PDP1: variants seen among roughly 807,000 people sequenced by gnomAD.
The protein encoded by PDP1 is pyruvate dehyrogenase phosphatase catalytic subunit 1.
A neutral mutation model predicts 37.1 loss-of-function variants in PDP1; 14 were observed. The observed-to-expected ratio is 0.38, with a 90% CI of 0.25 to 0.59. PDP1 has a LOEUF of 0.59. Among genes scored for constraint, PDP1 ranks in the 20% least tolerant of loss-of-function variants. The probability of loss-of-function intolerance (pLI) is 0.67; values close to 1 mark genes in which losing one functional copy is unlikely to be tolerated. For missense variants in PDP1, 544 were observed against 655.3 expected, an observed-to-expected ratio of 0.83 and a Z score of 1.85; for synonymous variants, 251 against 243.3, an observed-to-expected ratio of 1.03 and a Z score of -0.29.
rs1810389289 is a variant in PDP1, at chr8:93,924,821, G to A, written c.*1148G>A. The A allele has an allele frequency of 6.0e-6, 1 of 167,044 alleles. No homozygotes were observed. The highest frequency in any genetic ancestry group is 6.5e-5 in the Admixed American group (1 of 15,290). 10.3% of individuals were successfully genotyped at this position (167,044 alleles called of 1,614,324 possible). The stretch of plus-strand genomic sequence containing the variant: ...GATATATACATGAGAAACTTTAAAA[G>A]GTAACTACTGTGCATGCCTGATGCT... On this transcript the variant is annotated 3_prime_UTR_variant, in exon 2 of 2. Transcript: ENST00000297598.
At chr8:93,921,876 T>G in intron 1 of PDP1, 140 bp from the exon 2 acceptor site, 1 of 607,042 alleles carries the variant, frequency 1.6e-6, no homozygotes, top group South Asian at 2.2e-5. Context: ...ACATGATGTG[T>G]GTATAAAATG....
In PDP1 at chr8:93,923,016, AAG is replaced by A; in HGVS notation, c.961_962del (p.Glu321ThrfsTer12). The A allele has an allele frequency of 7.4e-6, 12 of 1,614,174 alleles. No homozygotes were observed. Among genetic ancestry groups the A allele is most frequent in the Non-Finnish European group, 1.0e-5 (12 of 1,180,034 alleles). On this transcript the variant is annotated frameshift_variant, in exon 2 of 2. Coordinates refer to ENST00000297598, the MANE Select transcript of PDP1 (RefSeq NM_018444.4). LOFTEE classifies it high-confidence loss of function. The surrounding 1 kb of genome is among the most constrained non-coding windows in gnomAD (Gnocchi z 4.3). ...CTAATGACCACAATGCTCAAAATGAAAGAGAACTAGAACGGCTGAAATTGGAA... is the reference window on the plus strand; with the variant it reads ...CTAATGACCACAATGCTCAAAATGAAAGAACTAGAACGGCTGAAATTGGAA... ...LSNDHNAQNE[R>X]ELERLKLEHP...
rs993085903 is a variant in PDP1, at chr8:93,923,018, G to C, written c.959G>C (p.Arg320Thr). 3.1e-6 allele frequency: 5 copies of C among 1,614,052 alleles called. No individual in the cohort carries two copies. The highest frequency in any genetic ancestry group is 4.2e-6 in the Non-Finnish European group (5 of 1,180,028). ...LSNDHNAQNERELERLKLEHP... is the reference protein window; with the variant it reads ...LSNDHNAQNETELERLKLEHP... ...AATGACCACAATGCTCAAAATGAAA[G>C]AGAACTAGAACGGCTGAAATTGGAA... Residue 320 changes from arginine (R) to threonine (T), a missense_variant, in exon 2 of 2, where the codon AGA becomes ACA. Arg to Thr is a moderately conservative substitution (Grantham distance 71, BLOSUM62 -1). Coordinates refer to ENST00000297598, the MANE Select transcript of PDP1 (RefSeq NM_018444.4). This position sits in a 1 kb window ranked among gnomAD's most constrained non-coding sequence, Gnocchi z 4.3.
At chr8:93,919,062 A>G in intron 1 of PDP1, 4 of 574,840 alleles carry the variant, frequency 7.0e-6, no homozygotes, top group Non-Finnish European at 8.8e-6. Flanking sequence ...AGTCAATAAA[A>G]TTCACTCTCT....
In PDP1 at chr8:93,923,400, T is replaced by G. The variant is rs770046269; in HGVS notation, c.1341T>G (p.Ala447=). The G allele has an allele frequency of 9.3e-6, 15 of 1,608,192 alleles. No individual in the cohort carries two copies. The highest frequency in any genetic ancestry group is 1.2e-5 in the Non-Finnish European group (14 of 1,176,230). Residue 447 remains alanine (A), a synonymous_variant, in exon 2 of 2, where the codon GCT becomes GCG. Coordinates refer to ENST00000297598, the MANE Select transcript of PDP1 (RefSeq NM_018444.4). The surrounding 1 kb of genome is among the most constrained non-coding windows in gnomAD (Gnocchi z 4.3). ...GCATGCATCACCAACAGCCAATAGCTGTTGGTGGCTACAAGGTGACTCTGG... is the reference window on the plus strand; with the variant it reads ...GCATGCATCACCAACAGCCAATAGCGGTTGGTGGCTACAAGGTGACTCTGG... ...LTGMHHQQPI[A]VGGYKVTLGQ...
At position 93,917,001 on chromosome 8, in the gene PDP1, G is replaced by A. The variant is rs1280759422; in HGVS notation, c.-123G>A. The A allele has an allele frequency of 6.3e-6, 3 of 477,952 alleles. No individual in the cohort carries two copies. The highest frequency in any genetic ancestry group is 3.0e-5 in the South Asian group (2 of 66,788). 29.6% of individuals were successfully genotyped at this position (477,952 alleles called of 1,614,324 possible). ...CGCTCCGGGAGCTGCACGGGGCTGC[G>A]TGGAAAGAGCGCCGAGCGGTGGCGT... is the stretch of plus-strand genomic sequence containing the variant. On this transcript the variant is annotated 5_prime_UTR_variant, in exon 1 of 2. The change creates a new upstream start codon in the 5' untranslated region. Transcript: ENST00000297598.
chr8:93,918,452 G>T (rs1280452544), intron 1 of PDP1, among the ~76,000 whole-genome samples: 1 of 152,130 alleles, frequency 6.6e-6, no homozygotes, highest in South Asian at 2.1e-4. Flanking sequence ...AAATGTCTTG[G>T]CACAGGCTCT....
At position 93,922,569 on chromosome 8, in the gene PDP1, T is replaced by C; in HGVS notation, c.510T>C (p.His170=). 6.2e-7 allele frequency: 1 copy of C among 1,614,034 alleles called. No homozygotes were observed. The highest frequency in any genetic ancestry group is 8.5e-7 in the Non-Finnish European group (1 of 1,179,996). ...ATATTGCTGTCTCTTTGTTACCCCA[T>C]GAGACTTTGCTAGAGATTGAAAATG... ...FYYIAVSLLP[H]ETLLEIENAV... is the part of the protein sequence containing the mutation. Residue 170 remains histidine (H), a synonymous_variant, in exon 2 of 2, where the codon CAT becomes CAC. Transcript: ENST00000297598. The surrounding 1 kb of genome is among the most constrained non-coding windows in gnomAD (Gnocchi z 4.0).
chr8:93,923,381 A>G lies in PDP1; in HGVS notation c.1322A>G (p.His441Arg), dbSNP rs779506684. The G allele has an allele frequency of 6.2e-7, 1 of 1,611,996 alleles. No homozygotes were observed. The highest frequency in any genetic ancestry group is 1.1e-5 in the South Asian group (1 of 90,936). Residue 441 changes from histidine (H) to arginine (R), a missense_variant, in exon 2 of 2, where the codon CAT (histidine) becomes CGT (arginine). Transcript: ENST00000297598. This position sits in a 1 kb window ranked among gnomAD's most constrained non-coding sequence, Gnocchi z 4.3. ...GTGGGTGAGTACCTAACTGGCATGC[A>G]TCACCAACAGCCAATAGCTGTTGGT... ...RIVGEYLTGM[H>R]HQQPIAVGGY... is the part of the protein sequence containing the mutation.
In PDP1 at chr8:93,924,294, G is replaced by A. The variant is rs545692596; in HGVS notation, c.*621G>A. The A allele has an allele frequency of 2.4e-5, 4 of 167,192 alleles. No individual in the cohort carries two copies. In the East Asian group the frequency reaches 5.8e-4, roughly 24 times the overall value. The allele number at this position is 167,192 out of a possible 1,614,324, so 10.4% of individuals were successfully genotyped here. On this transcript the variant is annotated 3_prime_UTR_variant, in exon 2 of 2. Transcript: ENST00000297598. Reference sequence around the variant, plus strand: ...TCCGTTATCCACCCGATTTCCTAATGTAATTGAAAGATTTTCTATTTTGCC... The same window carrying A: ...TCCGTTATCCACCCGATTTCCTAATATAATTGAAAGATTTTCTATTTTGCC...
chr8:93,920,152 T>G (rs765915463), intron 1 of PDP1, among the ~76,000 whole-genome samples: 2 of 152,254 alleles, frequency 1.3e-5, no homozygotes, highest in Non-Finnish European at 2.9e-5. Flanking sequence ...GATGGTACTT[T>G]CTACTACTTG....
intron 1 of PDP1, chr8:93,920,811 T>C (rs1305353611): frequency 2.9e-6 from 2 of 685,830 alleles, no homozygotes; most frequent in Non-Finnish European, 3.6e-6. Context: ...ATATTATATA[T>C]TTATGGGGTA....
chr8:93,921,815 C>G (rs2130382292), intron 1 of PDP1: 1 of 512,560 alleles, frequency 2.0e-6, no homozygotes, highest in East Asian at 3.0e-5. Context: ...AGTCGTGGTT[C>G]CACGAATGAT....
Position 93,923,224 on chromosome 8 carries a change from T to A in PDP1, c.1165T>A (p.Tyr389Asn). The A allele has an allele frequency of 6.2e-7, 1 of 1,614,162 alleles. No individual in the cohort carries two copies. ...ATATACCAAGTTTATTCCTCCTAAT[T>A]ATCACACACCTCCTTATCTCACTGC... The part of the protein sequence containing the change: ...NEYTKFIPPN[Y>N]HTPPYLTAEP... The change falls in exon 2 of 2, where the codon TAT (tyrosine) becomes AAT (asparagine). Residue 389 changes from tyrosine to asparagine, a missense_variant. Coordinates refer to ENST00000297598, the MANE Select transcript of PDP1 (RefSeq NM_018444.4). The surrounding 1 kb of genome is among the most constrained non-coding windows in gnomAD (Gnocchi z 4.3).
At chr8:93,920,524 G>C in intron 1 of PDP1, 3 of 944,618 alleles carry the variant, frequency 3.2e-6, no homozygotes, top group Non-Finnish European at 3.8e-6. Context: ...AGGAAGAAGA[G>C]GGATTTTTTT....
chr8:93,923,501 A>G lies in PDP1; in HGVS notation c.1442A>G (p.His481Arg). The G allele has an allele frequency of 1.2e-6, 2 of 1,606,044 alleles. No individual in the cohort carries two copies. The highest frequency in any genetic ancestry group is 8.5e-7 in the Non-Finnish European group (1 of 1,173,308). The change falls in exon 2 of 2, where the codon CAT becomes CGT. Residue 481 changes from histidine to arginine, a missense_variant. This residue lies in a region of PDP1 where 159 missense variants were observed against 165.5 expected (regional missense o/e 0.96). Coordinates refer to ENST00000297598, the MANE Select transcript of PDP1 (RefSeq NM_018444.4). This position sits in a 1 kb window ranked among gnomAD's most constrained non-coding sequence, Gnocchi z 4.3. The stretch of plus-strand genomic sequence containing the variant: ...TTTGAGGATCAGAACGCAGCAACCC[A>G]TCTCATTCGCCACGCTGTGGGCAAC... ...SVFEDQNAAT[H>R]LIRHAVGNNE...
intron 1 of PDP1, chr8:93,919,112 GA>G (rs1250517526): frequency 5.1e-6 from 5 of 978,018 alleles, no homozygotes; most frequent in Non-Finnish European, 6.1e-6. Flanking sequence ...TGCCTTGAAG[GA>G]AAAATGTAGT....
In PDP1 at chr8:93,923,532, G is replaced by C. The variant is rs950920384; in HGVS notation, c.1473G>C (p.Glu491Asp). The C allele has an allele frequency of 1.2e-6, 2 of 1,610,512 alleles. No homozygotes were observed. The highest frequency in any genetic ancestry group is 2.7e-5 in the African/African-American group (2 of 74,898). The change falls in exon 2 of 2, where the codon GAG becomes GAC. Residue 491 changes from glutamate (E) to aspartate (D), a missense_variant. Coordinates refer to ENST00000297598, the MANE Select transcript of PDP1 (RefSeq NM_018444.4). The surrounding 1 kb of genome is among the most constrained non-coding windows in gnomAD (Gnocchi z 4.3). Reference protein sequence around the residue: ...HLIRHAVGNNEFGTVDHERLS... With the variant: ...HLIRHAVGNNDFGTVDHERLS... ...TTCGCCACGCTGTGGGCAACAACGA[G>C]TTTGGGACTGTTGATCATGAGCGCC...
Position 93,923,838 on chromosome 8 carries a change from C to A in PDP1, c.*165C>A. Reference sequence around the variant, plus strand: ...CCAAATTGACTTTGCAGCAGGGTGGCAGGGTCAGGAGAGTCTGGTCCTGCC... The same window carrying A: ...CCAAATTGACTTTGCAGCAGGGTGGAAGGGTCAGGAGAGTCTGGTCCTGCC... On this transcript the variant is annotated 3_prime_UTR_variant, in exon 2 of 2. Transcript: ENST00000297598. This position sits in a 1 kb window ranked among gnomAD's most constrained non-coding sequence, Gnocchi z 4.3. 1 of 682,194 alleles carries A rather than the reference C, an allele frequency of 1.5e-6. No homozygotes were observed. Among genetic ancestry groups the A allele is most frequent in the South Asian group, 1.7e-5 (1 of 60,084 alleles). The allele number at this position is 682,194 out of a possible 1,614,324, so 42.3% of individuals were successfully genotyped here.
Sources: gnomAD v4.1 joint callset for allele counts (sites outside exome capture counted in the v4.1 genomes callset) on GRCh38, gnomAD v4.1.1 for gene constraint, gnomAD v4.1.1 regional missense constraint, Gnocchi (gnomAD v3.1) non-coding constraint, MANE v1.5 for transcripts, NCBI Gene and HGNC (gene_info 2026-07-23, HGNC 2026-07-21) for gene names.